Variants in FBXL14 observed in about 807,000 individuals in gnomAD.
The protein encoded by FBXL14 is F-box and leucine rich repeat protein 14.
FBXL14 carries 11 observed loss-of-function variants against 24.5 expected under a neutral mutation model. That is an observed-to-expected ratio of 0.45 (90% CI 0.28 to 0.74). The LOEUF is 0.74. Among genes scored for constraint, FBXL14 ranks in the 30% least tolerant of loss-of-function variants. The probability of loss-of-function intolerance (pLI) is 0.12; values close to 1 mark genes in which losing one functional copy is unlikely to be tolerated. For synonymous variants in FBXL14, 294 were observed against 240.4 expected (o/e 1.22, Z -2.06); for missense variants, 384 against 545.6 (o/e 0.70, Z 2.95).
chr12:1,587,659 A>T, intron 1 of FBXL14: 1 of 152,220 alleles, frequency 6.6e-6, no homozygotes, highest in East Asian at 1.9e-4. Flanking sequence ...TACCTTTGAT[A>T]CTTCATTAAG....
intron 1 of FBXL14, among the ~76,000 whole-genome samples, chr12:1,582,272 C>T (rs2094468165): frequency 1.3e-5 from 2 of 151,934 alleles, no homozygotes; most frequent in South Asian, 2.1e-4. Flanking sequence ...AGAAAGAAAA[C>T]GGAGTCCAGG....
rs368750848 is a variant in FBXL14 at position 1,593,929 on chromosome 12, C to G, written c.138G>C (p.Arg46=). 1,676 of 1,579,208 alleles carry G rather than the reference C, an allele frequency of 1.1e-3. 7 individuals are homozygous for G. The highest frequency in any genetic ancestry group is 1.2e-3 in the Non-Finnish European group (1,371 of 1,169,916). ...GCAGGTGCAGCTTGGCCTCCACCCCCCGCCACACCGACTTGTGGTAGGCGG... is the reference window on the plus strand; with the variant it reads ...GCAGGTGCAGCTTGGCCTCCACCCCGCGCCACACCGACTTGTGGTAGGCGG... ...RDAAYHKSVW[R]GVEAKLHLRR... Residue 46 remains arginine, a synonymous_variant, in exon 1 of 2, where the codon CGG becomes CGC. Coordinates refer to ENST00000339235, the MANE Select transcript of FBXL14 (RefSeq NM_152441.3). The surrounding 1 kb of genome is among the most constrained non-coding windows in gnomAD (Gnocchi z 7.4).
Position 1,594,162 on chromosome 12 carries a change from C to CGCA in FBXL14, c.-97_-96insTGC. 1 of 870,568 alleles carries CGCA rather than the reference C, an allele frequency of 1.1e-6. No homozygotes were observed. Among genetic ancestry groups the CGCA allele is most frequent in the Non-Finnish European group, 1.5e-6 (1 of 681,996 alleles). The allele number at this position is 870,568 out of a possible 1,614,324, so 53.9% of individuals were successfully genotyped here. On this transcript the variant is annotated 5_prime_UTR_variant, in exon 1 of 2. Coordinates refer to ENST00000339235, the MANE Select transcript of FBXL14 (RefSeq NM_152441.3). ...GACGAGAGCGCTTCTCCCCAGCCGC[C>CGCA]GCCGCCGCCGCCGCCGCCGCCTCGG...
Position 1,594,147 on chromosome 12 carries a change from C to T in FBXL14, c.-81G>A, listed in dbSNP as rs1174291607. 2 of 1,165,236 alleles carry T rather than the reference C, an allele frequency of 1.7e-6. No homozygotes were observed. Among genetic ancestry groups the T allele is most frequent in the East Asian group, 3.2e-5 (1 of 31,402 alleles). 72.2% of individuals were successfully genotyped at this position (1,165,236 alleles called of 1,614,324 possible). On this transcript the variant is annotated 5_prime_UTR_variant, in exon 1 of 2. Transcript: ENST00000339235. ...CGGCCTCGGGCAGGCGACGAGAGCG[C>T]TTCTCCCCAGCCGCCGCCGCCGCCG... is the stretch of plus-strand genomic sequence containing the variant.
At position 1,592,983 on chromosome 12, in the gene FBXL14, C is replaced by A. The variant is rs766403175; in HGVS notation, c.1084G>T (p.Asp362Tyr). The A allele has an allele frequency of 6.2e-7, 1 of 1,613,178 alleles. No homozygotes were observed. The highest frequency in any genetic ancestry group is 8.5e-7 in the Non-Finnish European group (1 of 1,180,030). ...GTGATTCGGGTGCAGCCGTACAGGT[C>A]TATGCCGGTGAGTTGGCTCAGGTGC... ...AEHLSQLTGI[D>Y]LYGCTRITKR... The change falls in exon 1 of 2, where the codon GAC (aspartate) becomes TAC (tyrosine). Residue 362 changes from aspartate (D) to tyrosine (Y), a missense_variant. Transcript: ENST00000339235.
At chr12:1,572,581 A>C (rs2094447192) in intron 1 of FBXL14, among the ~76,000 whole-genome samples, 1 of 152,202 alleles carries the variant, frequency 6.6e-6, no homozygotes, top group African/African-American at 2.4e-5. Flanking sequence ...TCATTGGAGA[A>C]ATCGTGACTG....
chr12:1,576,895 A>C (rs2094457009), intron 1 of FBXL14, among the ~76,000 whole-genome samples: 3 of 152,252 alleles, frequency 2.0e-5, no homozygotes, highest in Non-Finnish European at 2.9e-5. Flanking sequence ...TTAGCATTTT[A>C]ACTATTAGTT....
rs188789144 is a variant in FBXL14 at position 1,593,455 on chromosome 12, C to A, written c.612G>T (p.Leu204=). The A allele has an allele frequency of 2.0e-5, 33 of 1,614,010 alleles. No homozygotes were observed. In the African/African-American group the frequency reaches 4.1e-4, roughly 20 times the overall value. ...TRSAAEGCLG[L]EQLTLQDCQK... is the part of the protein sequence containing the mutation. ...GGCAGTCCTGTAGCGTGAGCTGCTC[C>A]AGGCCCAGGCAGCCCTCCGCCGCGC... The change falls in exon 1 of 2, where the codon CTG becomes CTT. Residue 204 remains leucine (L), a synonymous_variant. Coordinates refer to ENST00000339235, the MANE Select transcript of FBXL14 (RefSeq NM_152441.3). This position sits in a 1 kb window ranked among gnomAD's most constrained non-coding sequence, Gnocchi z 7.4.
chr12:1,578,625 C>T (rs1421106035), intron 1 of FBXL14, among the ~76,000 whole-genome samples: 1 of 152,050 alleles, frequency 6.6e-6, no homozygotes, highest in African/African-American at 2.4e-5. Context: ...GGTGACAGAG[C>T]AAGACGCCGT....
rs144746105 is a variant in FBXL14, at chr12:1,589,041, G to A, written c.1194+3832C>T. Among the ~76,000 whole-genome samples the A allele has an allele frequency of 1.9e-3, 292 of 151,342 alleles. 2 individuals are homozygous for A. Among genetic ancestry groups the A allele is most frequent in the South Asian group, 0.011 (51 of 4,762 alleles). On this transcript the variant is annotated intron_variant, in intron 1 of 1. Coordinates refer to ENST00000339235, the MANE Select transcript of FBXL14 (RefSeq NM_152441.3). ...TGAGGGTCACCTTACTGGAAACCAA[G>A]GTATGACGAGTAACTAAATCTTCTC...
At chr12:1,573,925 A>G (rs565965126) in intron 1 of FBXL14, among the ~76,000 whole-genome samples, 12 of 152,190 alleles carry the variant, frequency 7.9e-5, no homozygotes, top group Admixed American at 5.2e-4. Flanking sequence ...GAATCGCTTG[A>G]ACCTGGGAGG....
intron 1 of FBXL14, among the ~76,000 whole-genome samples, chr12:1,572,632 G>C (rs75040841): frequency 0.32 from 49,062 of 151,946 alleles, 8,226 homozygotes; most frequent in Non-Finnish European, 0.38. Flanking sequence ...CGGGGAAGCG[G>C]GGGGGCAGTG....
chr12:1,594,190 C>A lies in FBXL14; in HGVS notation c.-124G>T. ...CGCCGCCGCCGCCGCCGCCTCGGGCCCAACGGCCGGCCCCTCCCCGCCTTC... is the reference window on the plus strand; with the variant it reads ...CGCCGCCGCCGCCGCCGCCTCGGGCACAACGGCCGGCCCCTCCCCGCCTTC... On this transcript the variant is annotated 5_prime_UTR_variant, in exon 1 of 2. Transcript: ENST00000339235. The A allele has an allele frequency of 1.8e-6, 1 of 553,618 alleles. No individual in the cohort carries two copies. The highest frequency in any genetic ancestry group is 2.4e-6 in the Non-Finnish European group (1 of 410,918). 34.3% of individuals were successfully genotyped at this position (553,618 alleles called of 1,614,324 possible).
intron 1 of FBXL14, among the ~76,000 whole-genome samples, chr12:1,584,139 G>A (rs896964013): frequency 6.6e-6 from 1 of 152,104 alleles, no homozygotes; most frequent in African/African-American, 2.4e-5. Flanking sequence ...GAGCCCAGGA[G>A]TTGGAGACCA....
chr12:1,592,442 A>G (rs2094492642), intron 1 of FBXL14, among the ~76,000 whole-genome samples: 1 of 152,092 alleles, frequency 6.6e-6, no homozygotes. Flanking sequence ...TCAAAATAAA[A>G]ACCAGATCAC....
At position 1,579,483 on chromosome 12, in the gene FBXL14, G is replaced by A. The variant is rs1290162832; in HGVS notation, c.1195-12673C>T. Among the ~76,000 whole-genome samples, 2 of 151,886 alleles carry A rather than the reference G, an allele frequency of 1.3e-5. No individual in the cohort carries two copies. Among genetic ancestry groups the A allele is most frequent in the Admixed American group, 1.3e-4 (2 of 15,230 alleles). On this transcript the variant is annotated intron_variant, in intron 1 of 1. Transcript: ENST00000339235. The surrounding 1 kb of genome is among the most constrained non-coding windows in gnomAD (Gnocchi z 4.3). Reference sequence around the variant, plus strand: ...ACACAAAAATTAGCCGGGCATGATGGCGCACACCTGTAATCCCAGCTACTC... The same window carrying A: ...ACACAAAAATTAGCCGGGCATGATGACGCACACCTGTAATCCCAGCTACTC...
At chr12:1,578,222 C>T (rs1323126321) in intron 1 of FBXL14, among the ~76,000 whole-genome samples, 2 of 152,182 alleles carry the variant, frequency 1.3e-5, no homozygotes, top group Non-Finnish European at 2.9e-5. Flanking sequence ...AAGATGATTA[C>T]ATTCCACAGT....
In FBXL14 at chr12:1,592,190, G is replaced by GTATATA. The variant is rs576737463; in HGVS notation, c.1194+677_1194+682dup. 8.0e-3 allele frequency among the ~76,000 whole-genome samples: 1,112 copies of GTATATA among 139,058 alleles called. 16 individuals carry two copies. The highest frequency in any genetic ancestry group is 0.028 in the African/African-American group (1,060 of 37,920). 91.2% of individuals were successfully genotyped at this position (139,058 alleles called of 152,430 possible). Reference sequence around the variant, plus strand: ...AAACGAGGTAGCCAGACATATATATGTATATATATATATATATAATTTATA... The same window carrying GTATATA: ...AAACGAGGTAGCCAGACATATATATGTATATATATATATATATATATATAATTTATA... On this transcript the variant is annotated intron_variant, in intron 1 of 1. Transcript: ENST00000339235.
intron 1 of FBXL14, among the ~76,000 whole-genome samples, chr12:1,588,006 G>C (rs1328726600): frequency 6.6e-6 from 1 of 152,234 alleles, no homozygotes; most frequent in African/African-American, 2.4e-5. Context: ...AGAGAACAGA[G>C]AGAGGGGACC....
Sources: allele counts gnomAD v4.1 joint callset (sites outside exome capture counted in the v4.1 genomes callset), GRCh38; gene constraint gnomAD v4.1.1; non-coding constraint Gnocchi (gnomAD v3.1); transcripts MANE v1.5; gene names NCBI Gene and HGNC (gene_info 2026-07-23, HGNC 2026-07-21).